Variants in KLHDC4 observed in about 807,000 individuals in gnomAD.
KLHDC4 encodes kelch domain-containing protein 4.
In KLHDC4, 90 loss-of-function variants were observed where a neutral mutation model predicts 62.4. The ratio of observed to expected loss-of-function variants is 1.44; its 90% CI spans 1.22 to 1.72. KLHDC4 has a LOEUF of 1.72. Among genes scored for constraint, KLHDC4 ranks in the 40% most tolerant of loss-of-function variants. KLHDC4 has a pLI of 0.00. For missense variants in KLHDC4, 1,025 were observed against 699.7 expected (o/e 1.47, Z -5.25); for synonymous variants, 386 against 284.4 (o/e 1.36, Z -3.59).
At chr16:87,698,906 G>A (rs60219234) in exon 1 of KLHDC4, 2 of 152,314 alleles carry the variant, frequency 1.3e-5, no homozygotes, top group Non-Finnish European at 2.9e-5. Flanking sequence ...ATTAACCCGA[G>A]AGCAGCCTGG....
intron 5 of KLHDC4, among the ~76,000 whole-genome samples, chr16:87,748,435 C>G (rs552655386): frequency 2.0e-5 from 3 of 152,296 alleles, no homozygotes; most frequent in Admixed American, 1.3e-4. Flanking sequence ...TGGCCAACAA[C>G]AAGAGGAACC....
intron 2 of KLHDC4, among the ~76,000 whole-genome samples, chr16:87,760,920 C>A (rs1156396014): frequency 6.6e-6 from 1 of 151,940 alleles, no homozygotes; most frequent in Non-Finnish European, 1.5e-5. Flanking sequence ...GTAATCCCAG[C>A]TACTTGGAAG....
intron 5 of KLHDC4, among the ~76,000 whole-genome samples, chr16:87,735,857 T>C (rs904743207): frequency 2.0e-5 from 3 of 152,208 alleles, no homozygotes; most frequent in African/African-American, 7.2e-5. Context: ...CAGGGCAAGC[T>C]GCCAGGCAGT....
intron 8 of KLHDC4, among the ~76,000 whole-genome samples, chr16:87,711,934 G>GCCTGCACGGGGACCCTCTGC (rs375765353): frequency 0.016 from 2,109 of 135,508 alleles, 61 homozygotes; most frequent in African/African-American, 0.068. Flanking sequence ...CCCCCCTTGG[G>GCCTGCACGGGGACCCTCTGC]CCTGCACGGG....
intron 2 of KLHDC4, among the ~76,000 whole-genome samples, chr16:87,758,914 G>A (rs2045434814): frequency 1.3e-5 from 2 of 152,208 alleles, no homozygotes; most frequent in African/African-American, 4.8e-5. Flanking sequence ...ATTGGCTCAT[G>A]CCTGTAATCC....
chr16:87,735,653 C>G (rs2041186871), intron 5 of KLHDC4, among the ~76,000 whole-genome samples: 1 of 152,238 alleles, frequency 6.6e-6, no homozygotes, highest in Non-Finnish European at 1.5e-5. Flanking sequence ...AAAAATAAAG[C>G]TACTTTAAAA....
intron 7 of KLHDC4, among the ~76,000 whole-genome samples, chr16:87,723,198 G>A (rs552806349): frequency 3.5e-4 from 53 of 150,962 alleles, no homozygotes; most frequent in African/African-American, 1.2e-3. Context: ...TTAGGCTACT[G>A]ACTTTTTTTT....
chr16:87,722,943 G>C (rs1230102892), intron 7 of KLHDC4, among the ~76,000 whole-genome samples: 2 of 152,228 alleles, frequency 1.3e-5, no homozygotes, highest in East Asian at 3.9e-4. Context: ...TGGGAGCATG[G>C]ACGGGGCCTG....
At chr16:87,704,113 G>A (rs910994259), downstream of KLHDC4, among the ~76,000 whole-genome samples, 33 of 152,332 alleles carry the variant, frequency 2.2e-4, no homozygotes, top group African/African-American at 7.9e-4. Flanking sequence ...CTGGAGGAAG[G>A]CTGACTCTTC....
chr16:87,722,959 G>T lies in KLHDC4; in HGVS notation c.759+3806C>A, dbSNP rs190135220. Among the ~76,000 whole-genome samples the T allele has an allele frequency of 2.8e-3, 425 of 152,208 alleles. 3 individuals are homozygous for T. Among genetic ancestry groups the T allele is most frequent in the African/African-American group, 9.7e-3 (401 of 41,440 alleles). On this transcript the variant is annotated intron_variant, in intron 7 of 11. Coordinates refer to ENST00000270583, the MANE Select transcript of KLHDC4 (RefSeq NM_017566.4). ...GGGAGCATGGACGGGGCCTGCGTGGGAGAGAGGCGTGTGCCCACAGTGTGT... is the reference window on the plus strand; with the variant it reads ...GGGAGCATGGACGGGGCCTGCGTGGTAGAGAGGCGTGTGCCCACAGTGTGT...
downstream of KLHDC4, among the ~76,000 whole-genome samples, chr16:87,706,669 T>C (rs1421816810): frequency 1.3e-5 from 2 of 152,184 alleles, no homozygotes; most frequent in Non-Finnish European, 2.9e-5. Flanking sequence ...GGCGGGGCCC[T>C]TGGGGCCAGT....
At chr16:87,717,113 C>G (rs1168769994) in intron 7 of KLHDC4, among the ~76,000 whole-genome samples, 4 of 152,054 alleles carry the variant, frequency 2.6e-5, no homozygotes, top group African/African-American at 9.7e-5. Context: ...CATCTGTAGT[C>G]TCAGCTACTC....
intron 9 of KLHDC4, 97 bp from the exon 10 acceptor site, chr16:87,709,764 A>G (rs2035408249): frequency 1.5e-6 from 2 of 1,371,562 alleles, no homozygotes; most frequent in Non-Finnish European, 9.7e-7. Flanking sequence ...TGCGGGGACC[A>G]CCCACAAGCG....
chr16:87,721,781 C>G (rs1364411800), intron 7 of KLHDC4, among the ~76,000 whole-genome samples: 1 of 152,236 alleles, frequency 6.6e-6, no homozygotes, highest in Non-Finnish European at 1.5e-5. Context: ...ACAGCCCTCT[C>G]CTGGTTATGC....
At chr16:87,742,147 GC>G (rs2042330048) in intron 5 of KLHDC4, among the ~76,000 whole-genome samples, 10 of 151,950 alleles carry the variant, frequency 6.6e-5, no homozygotes, top group Admixed American at 3.9e-4. Flanking sequence ...CTCAGCAGCG[GC>G]CACATAGTGT....
In KLHDC4 at chr16:87,750,640, C is replaced by T. The variant is rs957155086; in HGVS notation, c.370-1831G>A. 2.6e-5 allele frequency among the ~76,000 whole-genome samples: 4 copies of T among 152,214 alleles called. No homozygotes were observed. In the East Asian group the frequency reaches 5.8e-4, roughly 22 times the overall value. ...AACCCGTCTAAGGTCAAGTGCGCCT[C>T]GGGTGGGGCAGACAGTGGTCCTCAG... is the stretch of plus-strand genomic sequence containing the variant. On this transcript the variant is annotated intron_variant, in intron 4 of 11. Coordinates refer to ENST00000270583, the MANE Select transcript of KLHDC4 (RefSeq NM_017566.4).
At chr16:87,701,499 G>A in exon 1 of KLHDC4, 1 of 359,344 alleles carries the variant, frequency 2.8e-6, no homozygotes, top group South Asian at 2.0e-5. Flanking sequence ...CCCAAGCCTA[G>A]GAGAAGCAAG....
At chr16:87,727,150 G>C (rs1439648453) in intron 6 of KLHDC4, among the ~76,000 whole-genome samples, 1 of 148,646 alleles carries the variant, frequency 6.7e-6, no homozygotes, top group East Asian at 2.0e-4. Flanking sequence ...ACTCAATCTT[G>C]ACGCAATCTA....
At chr16:87,737,842 C>T (rs1191512450) in intron 5 of KLHDC4, among the ~76,000 whole-genome samples, 3 of 152,044 alleles carry the variant, frequency 2.0e-5, no homozygotes, top group Non-Finnish European at 2.9e-5. Flanking sequence ...CCGCCTGCCT[C>T]GGCCTCCCAA....
Sources: gnomAD v4.1 joint callset for allele counts (sites outside exome capture counted in the v4.1 genomes callset) on GRCh38, gnomAD v4.1.1 for gene constraint, MANE v1.5 for transcripts, NCBI Gene and HGNC (gene_info 2026-07-23, HGNC 2026-07-21) for gene names.